The following DYM variants were observed in gnomAD, a reference collection of about 807,000 sequenced individuals.
DYM encodes dymeclin.
In DYM, 78 loss-of-function variants were observed where a neutral mutation model predicts 93.1. That is an observed-to-expected ratio of 0.84 (90% CI 0.70 to 1.01). The LOEUF is 1.01. DYM is among the 50% of genes least tolerant of loss of function. The pLI, the probability that DYM is intolerant of heterozygous loss-of-function variation, is 0.00. For synonymous variants in DYM, 321 were observed against 319.7 expected (o/e 1.00, Z -0.04); for missense variants, 789 against 845.0 (o/e 0.93, Z 0.82).
At chr18:49,456,815 T>C (rs2083023501) in intron 1 of DYM, among the ~76,000 whole-genome samples, 1 of 152,130 alleles carries the variant, frequency 6.6e-6, no homozygotes, top group Non-Finnish European at 1.5e-5. Context: ...CTAAAAACCT[T>C]ACTAGAAAAA....
chr18:49,438,456 T>C (rs371435212), intron 1 of DYM, among the ~76,000 whole-genome samples: 8 of 152,096 alleles, frequency 5.3e-5, no homozygotes, highest in African/African-American at 1.4e-4. Flanking sequence ...CCCCATAAAG[T>C]AGAAAACAGC....
At chr18:49,353,781 CTAAA>C (rs2065318900) in intron 6 of DYM, among the ~76,000 whole-genome samples, 2 of 151,972 alleles carry the variant, frequency 1.3e-5, no homozygotes, top group South Asian at 4.1e-4. Context: ...AATCAAATAA[CTAAA>C]TAAATAGAAA....
intron 16 of DYM, among the ~76,000 whole-genome samples, chr18:49,104,731 G>A (rs955672309): frequency 6.6e-6 from 1 of 152,202 alleles, no homozygotes; most frequent in Non-Finnish European, 1.5e-5. Context: ...TTGGTATGTT[G>A]AACCAGCCTT....
At chr18:49,445,579 G>T (rs1396774605) in intron 1 of DYM, among the ~76,000 whole-genome samples, 1 of 152,148 alleles carries the variant, frequency 6.6e-6, no homozygotes, top group Non-Finnish European at 1.5e-5. Flanking sequence ...GAACAATTTA[G>T]AAGATTTTAA....
chr18:49,430,460 AAAAT>A lies in DYM; in HGVS notation c.-53-17_-53-14del, dbSNP rs1206430245. ...TCCAAAAGACAACCTATAAAAAATA[AAAAT>A]AAAAACTTTAAACTTGTTCAAAAGT... is the stretch of plus-strand genomic sequence containing the variant. On this transcript the variant is annotated splice_polypyrimidine_tract_variant and intron_variant, in intron 1 of 17. Coordinates refer to ENST00000675505, the MANE Select transcript of DYM (RefSeq NM_001353214.3). 7.5e-6 allele frequency: 12 copies of A among 1,597,810 alleles called. No individual in the cohort carries two copies. The East Asian group carries it at 2.2e-4, about 30-fold the overall frequency.
At chr18:49,272,443 C>T in intron 10 of DYM, 140 bp from the exon 11 acceptor site, 1 of 641,976 alleles carries the variant, frequency 1.6e-6, no homozygotes, top group Non-Finnish European at 2.7e-6. Flanking sequence ...TATAAACCCA[C>T]TTCTGACTGA....
At chr18:49,449,335 T>C (rs971632292) in intron 1 of DYM, among the ~76,000 whole-genome samples, 2 of 152,178 alleles carry the variant, frequency 1.3e-5, no homozygotes, top group Non-Finnish European at 2.9e-5. Flanking sequence ...CAACGTTTCC[T>C]ATAGTAGGCC....
intron 8 of DYM, among the ~76,000 whole-genome samples, chr18:49,298,406 C>T (rs1271305258): frequency 1.3e-5 from 2 of 151,848 alleles, no homozygotes; most frequent in East Asian, 1.9e-4. Context: ...ATGGTGAAAC[C>T]CCGTCTCTAC....
intron 17 of DYM, among the ~76,000 whole-genome samples, chr18:49,045,729 C>T (rs151157206): frequency 7.9e-5 from 12 of 151,898 alleles, no homozygotes; most frequent in African/African-American, 2.2e-4. Flanking sequence ...GGCAGCCAGA[C>T]GAAGGGGAGG....
chr18:49,255,051 AT>A (rs1288580382), intron 13 of DYM, among the ~76,000 whole-genome samples: 12 of 152,242 alleles, frequency 7.9e-5, no homozygotes, highest in Non-Finnish European at 1.8e-4. Context: ...AATAGAATGT[AT>A]TAAGACCAGA....
chr18:49,260,466 T>A (rs1331188432), intron 11 of DYM, among the ~76,000 whole-genome samples: 1 of 152,126 alleles, frequency 6.6e-6, no homozygotes, highest in Non-Finnish European at 1.5e-5. Context: ...CATAGCCACT[T>A]AAAAATTCCA....
chr18:49,124,508 CAAAA>C (rs5824778), intron 15 of DYM, among the ~76,000 whole-genome samples: 19 of 131,748 alleles, frequency 1.4e-4, no homozygotes, highest in Non-Finnish European at 1.7e-4. Context: ...GACCCTGTCT[CAAAA>C]AAAAAAAAAA....
In DYM at chr18:49,265,381, G is replaced by A. The variant is rs551416476; in HGVS notation, c.1251+6797C>T. Among the ~76,000 whole-genome samples the A allele has an allele frequency of 5.3e-5, 8 of 152,300 alleles. No homozygotes were observed. In the South Asian group the frequency reaches 1.7e-3, roughly 32 times the overall value. Reference sequence around the variant, plus strand: ...ACAAGTTTGGTAGGTTTATTTATTTGTTTCTTCTTCTGACTAAATAGTGGA... The same window carrying A: ...ACAAGTTTGGTAGGTTTATTTATTTATTTCTTCTTCTGACTAAATAGTGGA... On this transcript the variant is annotated intron_variant, in intron 11 of 17. Coordinates refer to ENST00000675505, the MANE Select transcript of DYM (RefSeq NM_001353214.3).
At chr18:49,429,395 C>T (rs1177467699) in intron 2 of DYM, among the ~76,000 whole-genome samples, 1 of 152,164 alleles carries the variant, frequency 6.6e-6, no homozygotes, top group Non-Finnish European at 1.5e-5. Context: ...TAATAAAGCT[C>T]TTAAAAAGTA....
chr18:49,376,751 C>T (rs1453239638), intron 5 of DYM, among the ~76,000 whole-genome samples: 1 of 152,166 alleles, frequency 6.6e-6, no homozygotes, highest in African/African-American at 2.4e-5. Flanking sequence ...TGGCCAGTCA[C>T]AGAAAAGCTG....
At chr18:49,231,219 C>G (rs904609174) in intron 13 of DYM, among the ~76,000 whole-genome samples, 1 of 152,126 alleles carries the variant, frequency 6.6e-6, no homozygotes, top group Non-Finnish European at 1.5e-5. Context: ...AGCAATGGAA[C>G]CCTTTCTTCC....
chr18:49,363,972 T>G (rs970687501), intron 5 of DYM, among the ~76,000 whole-genome samples: 3 of 152,228 alleles, frequency 2.0e-5, no homozygotes, highest in African/African-American at 7.2e-5. Flanking sequence ...AAATTCTTTC[T>G]TTTCTCAGTT....
At chr18:49,220,910 C>G (rs1350076516) in intron 13 of DYM, among the ~76,000 whole-genome samples, 2 of 152,182 alleles carry the variant, frequency 1.3e-5, no homozygotes, top group South Asian at 2.1e-4. Context: ...CAAATGGGAT[C>G]TAATTCAACT....
rs1384633071 is a variant in DYM, at chr18:49,378,468, G to C, written c.421+99C>G. 5.2e-6 allele frequency: 6 copies of C among 1,159,868 alleles called. No homozygotes were observed. In the East Asian group the frequency reaches 1.2e-4, roughly 24 times the overall value. 71.8% of individuals were successfully genotyped at this position (1,159,868 alleles called of 1,614,324 possible). A position where few individuals can be genotyped will look rare whatever the true frequency, so the allele number is the denominator to read the frequency against. On this transcript the variant is annotated intron_variant, in intron 5 of 17. Coordinates refer to ENST00000675505, the MANE Select transcript of DYM (RefSeq NM_001353214.3). Reference sequence around the variant, plus strand: ...GTTCATTTTAAAATGAAAATTATAAGGATAACTGGAATTTTCAAAATCATA... The same window carrying C: ...GTTCATTTTAAAATGAAAATTATAACGATAACTGGAATTTTCAAAATCATA...
Sources: allele counts gnomAD v4.1 joint callset (sites outside exome capture counted in the v4.1 genomes callset), GRCh38; gene constraint gnomAD v4.1.1; transcripts MANE v1.5; gene names NCBI Gene and HGNC (gene_info 2026-07-23, HGNC 2026-07-21).